Variants in ST6GAL1 observed in about 807,000 individuals in gnomAD.
ST6GAL1 encodes ST6 beta-galactoside alpha-2,6-sialyltransferase 1.
Under a neutral mutation model 38.0 loss-of-function variants are expected in ST6GAL1, and 20 were observed. That is an observed-to-expected ratio of 0.53 (90% CI 0.37 to 0.77). The LOEUF is 0.77. Ranked by LOEUF, ST6GAL1 falls within the 30% of genes least tolerant of loss-of-function variation. ST6GAL1 has a pLI of 0.00. For missense variants in ST6GAL1, 432 were observed against 496.4 expected (o/e 0.87, Z 1.23); for synonymous variants, 196 against 188.2 (o/e 1.04, Z -0.34).
At chr3:187,048,880 A>ATTTTTTTTTTTTTTTTTTTTTTTT (rs374148828) in intron 4 of ST6GAL1, among the ~76,000 whole-genome samples, 1 of 115,456 alleles carries the variant, frequency 8.7e-6, no homozygotes, top group African/African-American at 3.8e-5. Flanking sequence ...GAGAAATTGA[A>ATTTTTTTTTTTTTTTTTTTTTTTT]TTTTTTTTTT....
At chr3:186,954,766 C>T (rs190253498) in intron 1 of ST6GAL1, among the ~76,000 whole-genome samples, 55 of 152,018 alleles carry the variant, frequency 3.6e-4, no homozygotes, top group African/African-American at 1.3e-3. Context: ...AAAATTTTCT[C>T]CCGTTCTGTA....
At position 187,077,279 on chromosome 3, in the gene ST6GAL1, C is replaced by T. The variant is rs1719595887; in HGVS notation, c.*1476C>T. The T allele has an allele frequency of 3.6e-6, 1 of 273,994 alleles. No individual in the cohort carries two copies. Among genetic ancestry groups the T allele is most frequent in the South Asian group, 1.7e-4 (1 of 5,874 alleles). 17.0% of individuals were successfully genotyped at this position (273,994 alleles called of 1,614,324 possible). On this transcript the variant is annotated 3_prime_UTR_variant, in exon 8 of 8. Transcript: ENST00000169298. Reference sequence around the variant, plus strand: ...TCCAGATGGTTTTACTAAGTCCCCTCTCCCTGATAGGGAATCCTGCTGGAC... The same window carrying T: ...TCCAGATGGTTTTACTAAGTCCCCTTTCCCTGATAGGGAATCCTGCTGGAC...
At chr3:187,071,622 G>A (rs750597167) in intron 5 of ST6GAL1, among the ~76,000 whole-genome samples, 1 of 151,708 alleles carries the variant, frequency 6.6e-6, no homozygotes, top group Non-Finnish European at 1.5e-5. Context: ...TTAGCCGGGC[G>A]TGGTGGCGGG....
chr3:186,978,071 C>T (rs1475627135), intron 2 of ST6GAL1, among the ~76,000 whole-genome samples: 2 of 152,044 alleles, frequency 1.3e-5, no homozygotes, highest in Non-Finnish European at 2.9e-5. Context: ...ATTAGCCAGG[C>T]GTGGTGGCGC....
At chr3:186,961,467 CA>C (rs1261267120) in intron 1 of ST6GAL1, among the ~76,000 whole-genome samples, 1 of 152,178 alleles carries the variant, frequency 6.6e-6, no homozygotes. Context: ...CTTTGTCCAT[CA>C]GGGGAAGTCC....
chr3:187,009,992 G>T (rs1288107620), intron 2 of ST6GAL1, among the ~76,000 whole-genome samples: 1 of 152,074 alleles, frequency 6.6e-6, no homozygotes, highest in Non-Finnish European at 1.5e-5. Context: ...GCAACAGAGC[G>T]AGACTCCATC....
rs189697199 is a variant in ST6GAL1, at chr3:187,005,346, G to A, written c.-182-33396G>A. On this transcript the variant is annotated intron_variant, in intron 2 of 7. Coordinates refer to ENST00000169298, the MANE Select transcript of ST6GAL1 (RefSeq NM_173216.2). The stretch of plus-strand genomic sequence containing the variant: ...GCTGGAGTGCAGTGGCGCGATCTCG[G>A]CTCAGTGCAAGCTCCACCTCCCGGG... Among the ~76,000 whole-genome samples the A allele has an allele frequency of 2.9e-3, 422 of 145,614 alleles. 2 individuals are homozygous for A. Among genetic ancestry groups the A allele is most frequent in the African/African-American group, 0.01 (395 of 39,484 alleles).
chr3:187,022,378 A>C (rs551834968), intron 2 of ST6GAL1, among the ~76,000 whole-genome samples: 5 of 151,918 alleles, frequency 3.3e-5, no homozygotes, highest in Non-Finnish European at 5.9e-5. Context: ...GGGTTAGGGG[A>C]GGGCTGAGGG....
intron 5 of ST6GAL1, among the ~76,000 whole-genome samples, chr3:187,057,376 A>G (rs6775701): frequency 0.1 from 15,170 of 152,204 alleles, 2,530 homozygotes; most frequent in African/African-American, 0.34. Flanking sequence ...CTTTGGAGGC[A>G]AAGAGGCACT....
rs752864034 is a variant in ST6GAL1, at chr3:187,075,693, C to G, written c.1111C>G (p.Pro371Ala). 1 of 1,614,226 alleles carries G rather than the reference C, an allele frequency of 6.2e-7. No individual in the cohort carries two copies. The highest frequency in any genetic ancestry group is 8.5e-7 in the Non-Finnish European group (1 of 1,180,050). ...DSACTMGAYH[P>A]LLYEKNLVKH... ...TGCCTGCACGATGGGTGCCTACCAC[C>G]CGCTGCTCTATGAGAAGAATTTGGT... The change falls in exon 8 of 8, where the codon CCG (proline) becomes GCG (alanine). Residue 371 changes from proline (P) to alanine (A), a missense_variant. Transcript: ENST00000169298. This position sits in a 1 kb window ranked among gnomAD's most constrained non-coding sequence, Gnocchi z 4.1.
chr3:186,961,151 T>C (rs1714922852), intron 1 of ST6GAL1, among the ~76,000 whole-genome samples: 1 of 152,048 alleles, frequency 6.6e-6, no homozygotes, highest in African/African-American at 2.4e-5. Context: ...AATTTTTGTG[T>C]TTTTAGTAGA....
chr3:187,016,307 G>C (rs895427382), intron 2 of ST6GAL1, among the ~76,000 whole-genome samples: 2 of 152,148 alleles, frequency 1.3e-5, no homozygotes, highest in African/African-American at 4.8e-5. Context: ...GTGCTAAAAA[G>C]GAGACAGAGA....
intron 2 of ST6GAL1, among the ~76,000 whole-genome samples, chr3:187,026,954 C>T (rs1307050675): frequency 6.6e-6 from 1 of 151,746 alleles, no homozygotes; most frequent in Non-Finnish European, 1.5e-5. Flanking sequence ...GAGGCTGAGG[C>T]GGGAGAATGG....
intron 5 of ST6GAL1, among the ~76,000 whole-genome samples, chr3:187,065,155 T>C (rs1470399299): frequency 6.6e-6 from 1 of 152,048 alleles, no homozygotes; most frequent in Non-Finnish European, 1.5e-5. Flanking sequence ...TGCACCACCA[T>C]GCCCAGCTAA....
chr3:186,967,511 A>G (rs12495023), intron 2 of ST6GAL1, among the ~76,000 whole-genome samples: 42,143 of 152,012 alleles, frequency 0.28, 6,492 homozygotes, highest in East Asian at 0.57. Context: ...AGTTTTAAGT[A>G]CCTAACTTGC....
intron 2 of ST6GAL1, among the ~76,000 whole-genome samples, chr3:186,989,136 C>T (rs1384302573): frequency 6.6e-6 from 1 of 151,932 alleles, no homozygotes; most frequent in Non-Finnish European, 1.5e-5. Flanking sequence ...GTGAGGGGGG[C>T]AAATGGAAAT....
rs201728100 is a variant in ST6GAL1, at chr3:187,072,843, C to T, written c.706-6C>T. On this transcript the variant is annotated splice_region_variant and splice_polypyrimidine_tract_variant and intron_variant, in intron 5 of 7. Coordinates refer to ENST00000169298, the MANE Select transcript of ST6GAL1 (RefSeq NM_173216.2). ...CAAGCGACAGCTTATCTCTTTCTTC[C>T]TGCAGTTGGTTACCACAGAGAAGCG... 3.1e-4 allele frequency: 503 copies of T among 1,612,592 alleles called. No individual in the cohort carries two copies. The Middle Eastern group carries it at 4.3e-3, about 14-fold the overall frequency.
At chr3:187,074,414 T>C in intron 7 of ST6GAL1, 81 bp downstream of exon 7, 1 of 1,405,264 alleles carries the variant, frequency 7.1e-7, no homozygotes, top group Non-Finnish European at 9.4e-7. Flanking sequence ...CATTCAGTCA[T>C]TCGTTTGTTC....
At chr3:186,978,576 T>C (rs16861415) in intron 2 of ST6GAL1, among the ~76,000 whole-genome samples, 9,524 of 152,292 alleles carry the variant, frequency 0.063, 442 homozygotes, top group Non-Finnish European at 0.081. Context: ...CTGGCACCCT[T>C]TCCTTTATTC....
Sources: gnomAD v4.1 joint callset for allele counts (sites outside exome capture counted in the v4.1 genomes callset) on GRCh38, gnomAD v4.1.1 for gene constraint, Gnocchi (gnomAD v3.1) non-coding constraint, MANE v1.5 for transcripts, NCBI Gene and HGNC (gene_info 2026-07-23, HGNC 2026-07-21) for gene names.